EP400: variants seen among roughly 807,000 people sequenced by gnomAD.
The protein encoded by EP400 is E1A binding protein p400.
In EP400, 105 loss-of-function variants were observed where a neutral mutation model predicts 354.1. The ratio of observed to expected loss-of-function variants is 0.30; its 90% CI spans 0.25 to 0.35. The LOEUF is 0.35. EP400 is among the 10% of genes least tolerant of loss of function. The pLI is 1.00. For missense variants in EP400, 3,280 were observed against 4,121.0 expected, an observed-to-expected ratio of 0.80 and a Z score of 5.59; for synonymous variants, 1,646 against 1,716.9, an observed-to-expected ratio of 0.96 and a Z score of 1.02.
intron 7 of EP400, among the ~76,000 whole-genome samples, chr12:131,989,395 A>C (rs1043191103): frequency 2.6e-5 from 4 of 152,210 alleles, no homozygotes; most frequent in Non-Finnish European, 5.9e-5. Context: ...TCCTGGCGGT[A>C]GTTGAGTGCA....
At chr12:132,073,228 CTTTT>C (rs56108246) in intron 51 of EP400, among the ~76,000 whole-genome samples, 4 of 125,470 alleles carry the variant, frequency 3.2e-5, no homozygotes, top group South Asian at 5.1e-4. Flanking sequence ...GCCACCTTCT[CTTTT>C]TTTTTTTTTT....
chr12:132,036,514 G>A (rs1038435734), intron 30 of EP400, among the ~76,000 whole-genome samples: 1 of 152,232 alleles, frequency 6.6e-6, no homozygotes, highest in African/African-American at 2.4e-5. Flanking sequence ...CTGCTGGGGC[G>A]GGGGGCAGGA....
intron 7 of EP400, among the ~76,000 whole-genome samples, chr12:131,989,640 T>G (rs1340748449): frequency 6.6e-6 from 1 of 152,186 alleles, no homozygotes; most frequent in Non-Finnish European, 1.5e-5. Context: ...TGCCGACCCA[T>G]GTTTATTGAA....
chr12:132,045,616 C>T lies in EP400; in HGVS notation c.7026+56C>T, dbSNP rs181617794. 1.4e-3 allele frequency: 2,222 copies of T among 1,606,218 alleles called. 3 individuals are homozygous for T. The highest frequency in any genetic ancestry group is 1.8e-3 in the Admixed American group (108 of 59,596). ...CATGTGCGGTCATTTTTCTAACGCA[C>T]GTCCGTGCATCCAGCTCACTGTGAT... On this transcript the variant is annotated intron_variant, in intron 38 of 52. Coordinates refer to ENST00000389561, the MANE Select transcript of EP400 (RefSeq NM_015409.5).
chr12:132,004,144 C>T (rs1355849150), intron 12 of EP400, among the ~76,000 whole-genome samples: 2 of 152,204 alleles, frequency 1.3e-5, no homozygotes, highest in African/African-American at 4.8e-5. Flanking sequence ...CAAAGCCCTT[C>T]AGCTTTCCGT....
chr12:132,057,567 G>A (rs752603992), intron 45 of EP400, among the ~76,000 whole-genome samples: 4 of 152,178 alleles, frequency 2.6e-5, no homozygotes, highest in Admixed American at 6.5e-5. Flanking sequence ...GTCAGAATTC[G>A]TAGAACCATA....
At chr12:131,987,342 C>T (rs1349525736) in intron 6 of EP400, among the ~76,000 whole-genome samples, 1 of 152,058 alleles carries the variant, frequency 6.6e-6, no homozygotes, top group Non-Finnish European at 1.5e-5. Context: ...TTCATTTATC[C>T]CACTCCTTTC....
rs763758796 is a variant in EP400 at position 132,077,566 on chromosome 12, C to T, written c.9265C>T (p.Pro3089Ser). The T allele has an allele frequency of 1.9e-6, 3 of 1,613,890 alleles. No homozygotes were observed. Among genetic ancestry groups the T allele is most frequent in the East Asian group, 2.2e-5 (1 of 44,890 alleles). ...GCTCCAGACTCCAGGCGCTCCCAACCCAGCCCAGGTGCCCGCCAGCTCCGA... is the reference window on the plus strand; with the variant it reads ...GCTCCAGACTCCAGGCGCTCCCAACTCAGCCCAGGTGCCCGCCAGCTCCGA... ...APLQTPGAPN[P>S]AQVPASSDSP... is the part of the protein sequence containing the mutation. The change falls in exon 53 of 53, where the codon CCA becomes TCA. Residue 3089 changes from proline to serine, a missense_variant. By Grantham distance (74) the Pro-to-Ser change is moderately conservative. This residue lies in a region of EP400 where 279 missense variants were observed against 386.7 expected (regional missense o/e 0.72). Coordinates refer to ENST00000389561, the MANE Select transcript of EP400 (RefSeq NM_015409.5).
At chr12:132,014,297 G>A (rs1434121734) in intron 19 of EP400, among the ~76,000 whole-genome samples, 1 of 152,236 alleles carries the variant, frequency 6.6e-6, no homozygotes, top group African/African-American at 2.4e-5. Flanking sequence ...TGGGTCGGCT[G>A]TGGCCCACCG....
intron 2 of EP400, among the ~76,000 whole-genome samples, chr12:131,962,603 A>G (rs1225621732): frequency 2.0e-5 from 3 of 152,226 alleles, no homozygotes; most frequent in Non-Finnish European, 4.4e-5. Context: ...CATTTTTACA[A>G]ATACCTATTA....
At chr12:132,036,212 C>G (rs898738794) in intron 30 of EP400, among the ~76,000 whole-genome samples, 1 of 149,104 alleles carries the variant, frequency 6.7e-6, no homozygotes, top group Non-Finnish European at 1.5e-5. Context: ...AGCACACAGC[C>G]AGGTTCACGC....
At position 131,982,050 on chromosome 12, in the gene EP400, AC is replaced by A. The variant is rs773017498; in HGVS notation, c.1544-42del. The A allele has an allele frequency of 5.3e-6, 8 of 1,498,726 alleles. No homozygotes were observed. The Admixed American group carries it at 1.8e-4, about 33-fold the overall frequency. 92.8% of individuals were successfully genotyped at this position (1,498,726 alleles called of 1,614,324 possible). A position where few individuals can be genotyped will look rare whatever the true frequency, so the allele number is the denominator to read the frequency against. ...TTGTGACTCATTGGTAGAAGCTGCC[AC>A]ACTTGGGAATCAGTGCTTTTGGCAC... On this transcript the variant is annotated intron_variant, in intron 4 of 52. Transcript: ENST00000389561.
Position 131,992,378 on chromosome 12 carries a change from A to G in EP400, c.2737+148A>G. 4.0e-6 allele frequency: 3 copies of G among 754,756 alleles called. No individual in the cohort carries two copies. The South Asian group carries it at 5.1e-5, about 13-fold the overall frequency. 46.8% of individuals were successfully genotyped at this position (754,756 alleles called of 1,614,324 possible). ...TTTATCCAGATGTCTCTCAGTGTATAGAGTACTTTTTGTATCTCTAGAGGA... is the reference window on the plus strand; with the variant it reads ...TTTATCCAGATGTCTCTCAGTGTATGGAGTACTTTTTGTATCTCTAGAGGA... On this transcript the variant is annotated intron_variant, in intron 11 of 52. Coordinates refer to ENST00000389561, the MANE Select transcript of EP400 (RefSeq NM_015409.5).
At chr12:131,973,930 T>C (rs1892381269) in intron 2 of EP400, among the ~76,000 whole-genome samples, 1 of 152,094 alleles carries the variant, frequency 6.6e-6, no homozygotes, top group African/African-American at 2.4e-5. Flanking sequence ...TAATTATTTA[T>C]GGTTTTGTGA....
intron 22 of EP400, among the ~76,000 whole-genome samples, chr12:132,020,506 C>T (rs1360501593): frequency 2.6e-5 from 4 of 152,320 alleles, no homozygotes; most frequent in South Asian, 2.1e-4. Context: ...GAGGTGCGTG[C>T]GTGCAGTCGT....
intron 3 of EP400, among the ~76,000 whole-genome samples, chr12:131,980,587 C>T (rs1280917088): frequency 6.6e-6 from 1 of 152,118 alleles, no homozygotes; most frequent in Non-Finnish European, 1.5e-5. Flanking sequence ...TCTGGTTCAC[C>T]CGGGCTGGAG....
At chr12:132,011,659 A>G (rs767495679) in intron 16 of EP400, 25 bp downstream of exon 16, 86 of 1,576,308 alleles carry the variant, frequency 5.5e-5, no homozygotes, top group Non-Finnish European at 7.0e-5. Flanking sequence ...AACATAAAAT[A>G]AAGCTAAACA....
intron 5 of EP400, among the ~76,000 whole-genome samples, chr12:131,984,112 G>T (rs1166697365): frequency 6.6e-6 from 1 of 152,142 alleles, no homozygotes; most frequent in East Asian, 1.9e-4. Context: ...GGGTTAGGCT[G>T]GTCTTGAACT....
chr12:132,063,782 C>T (rs1290421540), intron 47 of EP400, among the ~76,000 whole-genome samples: 8 of 152,268 alleles, frequency 5.3e-5, no homozygotes, highest in South Asian at 4.1e-4. Context: ...GTTCCTGTCA[C>T]ACCAGCCATC....
Sources: allele counts gnomAD v4.1 joint callset (sites outside exome capture counted in the v4.1 genomes callset), GRCh38; gene constraint gnomAD v4.1.1; regional missense constraint gnomAD v4.1.1; transcripts MANE v1.5; gene names NCBI Gene and HGNC (gene_info 2026-07-23, HGNC 2026-07-21).